The following IMPG2 variants were observed in gnomAD, a reference collection of about 807,000 sequenced individuals.
IMPG2 encodes the protein interphotoreceptor matrix proteoglycan 2.
A neutral mutation model predicts 129.2 loss-of-function variants in IMPG2; 91 were observed. The observed-to-expected ratio is 0.70, with a 90% CI of 0.59 to 0.84. The LOEUF is 0.84. Ranked by LOEUF, IMPG2 falls within the 40% of genes least tolerant of loss-of-function variation. The pLI is 0.00. For missense variants in IMPG2, 1,430 were observed against 1,461.7 expected, an observed-to-expected ratio of 0.98 and a Z score of 0.35; for synonymous variants, 510 against 517.7, an observed-to-expected ratio of 0.99 and a Z score of 0.20.
intron 4 of IMPG2, among the ~76,000 whole-genome samples, chr3:101,284,726 T>A (rs1258615150): frequency 6.6e-6 from 1 of 152,200 alleles, no homozygotes; most frequent in African/African-American, 2.4e-5. Flanking sequence ...GCACACAGGA[T>A]TTCAATGCAC....
At chr3:101,275,056 T>G (rs1337569459) in intron 6 of IMPG2, among the ~76,000 whole-genome samples, 3 of 149,954 alleles carry the variant, frequency 2.0e-5, no homozygotes, top group Non-Finnish European at 4.4e-5. Flanking sequence ...CAGAGTTAGC[T>G]CTATATTAAA....
chr3:101,309,717 GTATTCC>G (rs2107141489), intron 2 of IMPG2, among the ~76,000 whole-genome samples: 1 of 152,206 alleles, frequency 6.6e-6, no homozygotes, highest in African/African-American at 2.4e-5. Flanking sequence ...TTCCTCCTAG[GTATTCC>G]TGTAAGCATA....
Position 101,244,643 on chromosome 3 carries a change from G to C in IMPG2, c.1688C>G (p.Ser563Cys). The change falls in exon 13 of 19, where the codon TCT becomes TGT. Residue 563 changes from serine to cysteine, a missense_variant. Coordinates refer to ENST00000193391, the MANE Select transcript of IMPG2 (RefSeq NM_016247.4). ...GGAGTCCAAGCCAAAAGGTATAGAA[G>C]AGGTCAGATATGGTGAAGATGTTAA... The part of the protein sequence containing the change: ...VSLTSSPYLT[S>C]SIPFGLDSLT... The C allele has an allele frequency of 6.2e-7, 1 of 1,612,984 alleles. No individual in the cohort carries two copies. The highest frequency in any genetic ancestry group is 8.5e-7 in the Non-Finnish European group (1 of 1,179,542).
chr3:101,308,671 A>G (rs1559659815), intron 2 of IMPG2, among the ~76,000 whole-genome samples: 1 of 152,246 alleles, frequency 6.6e-6, no homozygotes, highest in East Asian at 1.9e-4. Context: ...TGCCCTGAAG[A>G]CATTTTCCCC....
intron 11 of IMPG2, among the ~76,000 whole-genome samples, chr3:101,250,409 G>A (rs540561280): frequency 3.4e-4 from 52 of 152,248 alleles, no homozygotes; most frequent in East Asian, 3.9e-4. Flanking sequence ...AAAATCTTAC[G>A]TTGGGAAGAG....
At chr3:101,270,644 C>CA (rs759821302) in intron 7 of IMPG2, among the ~76,000 whole-genome samples, 3 of 151,752 alleles carry the variant, frequency 2.0e-5, no homozygotes, top group South Asian at 2.1e-4. Flanking sequence ...TAAAAAAATA[C>CA]AAAAAATCAG....
intron 2 of IMPG2, among the ~76,000 whole-genome samples, chr3:101,315,615 AAATATTCACAAATCC>A: frequency 6.6e-6 from 1 of 152,168 alleles, no homozygotes; most frequent in African/African-American, 2.4e-5. Flanking sequence ...ATGTCTATGC[AAATATTCACAAATCC>A]AGGAAAATCT....
intron 16 of IMPG2, 31 bp downstream of exon 16, chr3:101,230,926 A>T (rs772761291): frequency 6.4e-7 from 1 of 1,561,002 alleles, no homozygotes; most frequent in South Asian, 1.1e-5. Flanking sequence ...GGAACATTGT[A>T]TTCCATTAGA....
In IMPG2 at chr3:101,245,932, G is replaced by T; in HGVS notation, c.1413C>A (p.Gly471=). 6.2e-7 allele frequency: 1 copy of T among 1,614,166 alleles called. No homozygotes were observed. Among genetic ancestry groups the T allele is most frequent in the South Asian group, 1.1e-5 (1 of 91,086 alleles). Residue 471 remains glycine (G), a synonymous_variant, in exon 12 of 19, where the codon GGC becomes GGA. Coordinates refer to ENST00000193391, the MANE Select transcript of IMPG2 (RefSeq NM_016247.4). ...CTAAAACCTCTGGGGAAGAGCTGAG[G>T]CCCATCTTCGAGGGAAAGGCTAATT... The part of the protein sequence containing the change: ...THKLAFPSKM[G]LSSSPEVLEV...
chr3:101,249,007 T>C (rs1706515338), intron 11 of IMPG2, among the ~76,000 whole-genome samples: 1 of 152,144 alleles, frequency 6.6e-6, no homozygotes, highest in Non-Finnish European at 1.5e-5. Flanking sequence ...GGTCAGGGTA[T>C]TTCTTCCCTG....
At chr3:101,320,244 C>CT (rs780325427) in intron 1 of IMPG2, 44 bp downstream of exon 1, 18 of 1,116,200 alleles carry the variant, frequency 1.6e-5, no homozygotes, top group Non-Finnish European at 2.2e-5. Flanking sequence ...AGAACATATA[C>CT]TACAGATATG....
At chr3:101,279,572 A>G (rs1706872221) in intron 4 of IMPG2, among the ~76,000 whole-genome samples, 1 of 152,226 alleles carries the variant, frequency 6.6e-6, no homozygotes, top group Non-Finnish European at 1.5e-5. Flanking sequence ...GAGTTGCTCT[A>G]TGGAGAGCAA....
chr3:101,232,971 TG>T lies in IMPG2; in HGVS notation c.3042del (p.Cys1014Ter), dbSNP rs1344810108. On this transcript the variant is annotated frameshift_variant, in exon 15 of 19. Coordinates refer to ENST00000193391, the MANE Select transcript of IMPG2 (RefSeq NM_016247.4). LOFTEE classifies it high-confidence loss of function. ...DVESGDEANP[C>X]KFQACNEFSE... Reference sequence around the variant, plus strand: ...GAAAATTCATTACAGGCCTGAAACTTGCAAGGGTTGGCTTCATCACCTAAAA... The same window carrying T: ...GAAAATTCATTACAGGCCTGAAACTTCAAGGGTTGGCTTCATCACCTAAAA... 6.2e-7 allele frequency: 1 copy of T among 1,613,904 alleles called. No homozygotes were observed. The highest frequency in any genetic ancestry group is 8.5e-7 in the Non-Finnish European group (1 of 1,180,014).
Position 101,277,152 on chromosome 3 carries a change from T to G in IMPG2, c.534-439A>C, listed in dbSNP as rs1269440927. On this transcript the variant is annotated intron_variant, in intron 4 of 18. Coordinates refer to ENST00000193391, the MANE Select transcript of IMPG2 (RefSeq NM_016247.4). ...TCATTTACACCTGCCACATTTCAAGTGCTTAATAGCTGCATGTGGTTAATG... is the reference window on the plus strand; with the variant it reads ...TCATTTACACCTGCCACATTTCAAGGGCTTAATAGCTGCATGTGGTTAATG... Among the ~76,000 whole-genome samples the G allele has an allele frequency of 3.9e-5, 6 of 152,336 alleles. No individual in the cohort carries two copies. In the East Asian group the frequency reaches 1.2e-3, roughly 29 times the overall value.
Position 101,243,679 on chromosome 3 carries a change from T to A in IMPG2, c.2652A>T (p.Thr884=), listed in dbSNP as rs775071089. The stretch of plus-strand genomic sequence containing the variant: ...TATAACTCAAGTCATCTCCTCCTTC[T>A]GTGGGCCAAGCCACACTAACCATCT... ...STEMVSVAWP[T]EGGDDLSYTQ... is the part of the protein sequence containing the mutation. The change falls in exon 13 of 19, where the codon ACA becomes ACT. Residue 884 remains threonine, a synonymous_variant. Transcript: ENST00000193391. 1.9e-6 allele frequency: 3 copies of A among 1,614,116 alleles called. No individual in the cohort carries two copies. The South Asian group carries it at 3.3e-5, about 18-fold the overall frequency.
At chr3:101,259,298 G>A (rs1706644960) in intron 9 of IMPG2, among the ~76,000 whole-genome samples, 1 of 152,086 alleles carries the variant, frequency 6.6e-6, no homozygotes, top group African/African-American at 2.4e-5. Flanking sequence ...CAGACGTGCA[G>A]TAAAAGTAAT....
At chr3:101,305,994 G>C (rs1323398866) in intron 2 of IMPG2, among the ~76,000 whole-genome samples, 2 of 152,102 alleles carry the variant, frequency 1.3e-5, no homozygotes. Context: ...CAAGAAGATT[G>C]AACACACATC....
Position 101,243,549 on chromosome 3 carries a change from C to G in IMPG2, c.2782G>C (p.Glu928Gln), listed in dbSNP as rs1427518277. ...CTTACCAATTCTAAGAATCTTTGCTCCAGGGCTTTATACTCCAAGGAGTTT... is the reference window on the plus strand; with the variant it reads ...CTTACCAATTCTAAGAATCTTTGCTGCAGGGCTTTATACTCCAAGGAGTTT... ...NKNSLEYKAL[E>Q]QRFLELLVPY... Residue 928 changes from glutamate (E) to glutamine (Q), a missense_variant, in exon 13 of 19, where the codon GAG becomes CAG. Physicochemically the swap from Glu to Gln is conservative, Grantham distance 29. Coordinates refer to ENST00000193391, the MANE Select transcript of IMPG2 (RefSeq NM_016247.4). 6.2e-7 allele frequency: 1 copy of G among 1,613,656 alleles called. No individual in the cohort carries two copies. The highest frequency in any genetic ancestry group is 1.3e-5 in the African/African-American group (1 of 74,902).
At chr3:101,319,545 A>C in intron 2 of IMPG2, 39 bp downstream of exon 2, 3 of 1,610,514 alleles carry the variant, frequency 1.9e-6, no homozygotes, top group Non-Finnish European at 2.5e-6. Flanking sequence ...CTATGTTTGA[A>C]TTTCATTATG....
Sources: allele counts gnomAD v4.1 joint callset (sites outside exome capture counted in the v4.1 genomes callset), GRCh38; gene constraint gnomAD v4.1.1; transcripts MANE v1.5; gene names NCBI Gene and HGNC (gene_info 2026-07-23, HGNC 2026-07-21).